Variants in DCAF17 observed in about 807,000 individuals in gnomAD.
DCAF17 encodes DDB1 and CUL4 associated factor 17.
A neutral mutation model predicts 66.0 loss-of-function variants in DCAF17; 48 were observed. That is an observed-to-expected ratio of 0.73 (90% confidence interval 0.58 to 0.92). The LOEUF (loss-of-function observed/expected upper bound fraction) is 0.92. Ranked by LOEUF, DCAF17 falls within the 40% of genes least tolerant of loss-of-function variation. The probability of loss-of-function intolerance (pLI) is 0.00; values close to 1 mark genes in which losing one functional copy is unlikely to be tolerated. For synonymous variants in DCAF17, 206 were observed against 214.6 expected, an observed-to-expected ratio of 0.96 and a Z score of 0.35; for missense variants, 562 against 622.8, an observed-to-expected ratio of 0.90 and a Z score of 1.04.
chr2:171,447,894 A>G (rs1382727209), intron 3 of DCAF17, among the ~76,000 whole-genome samples: 1 of 152,232 alleles, frequency 6.6e-6, no homozygotes, highest in East Asian at 1.9e-4. Flanking sequence ...AGGAGTGCCC[A>G]TGCAGCTATC....
At chr2:171,451,603 G>A (rs1469556760) in intron 5 of DCAF17, among the ~76,000 whole-genome samples, 1 of 152,208 alleles carries the variant, frequency 6.6e-6, no homozygotes, top group Non-Finnish European at 1.5e-5. Flanking sequence ...TTGAGACGGA[G>A]TCTCGCTTTG....
intron 12 of DCAF17, among the ~76,000 whole-genome samples, chr2:171,478,846 C>G (rs999007642): frequency 2.6e-5 from 4 of 151,946 alleles, no homozygotes. Context: ...CTATTGAGAA[C>G]AAAGAAGAAA....
At chr2:171,475,844 A>G (rs966366311) in intron 10 of DCAF17, among the ~76,000 whole-genome samples, 26 of 152,202 alleles carry the variant, frequency 1.7e-4, no homozygotes, top group Admixed American at 5.9e-4. Flanking sequence ...CTCTGGATCT[A>G]TTTAATATAA....
chr2:171,477,704 A>ATCACTTGAGC (rs575553821), intron 11 of DCAF17, among the ~76,000 whole-genome samples: 441 of 152,232 alleles, frequency 2.9e-3, no homozygotes, highest in Middle Eastern at 6.8e-3. Context: ...AGCTGGGAGG[A>ATCACTTGAGC]TCACTTGAGC....
At chr2:171,452,070 G>A (rs1694987232) in intron 5 of DCAF17, among the ~76,000 whole-genome samples, 1 of 152,136 alleles carries the variant, frequency 6.6e-6, no homozygotes, top group Non-Finnish European at 1.5e-5. Context: ...TTACCTTGAA[G>A]ATATTAGTTC....
chr2:171,439,688 G>GAGGACT (rs1694190076), intron 2 of DCAF17, among the ~76,000 whole-genome samples: 1 of 151,970 alleles, frequency 6.6e-6, no homozygotes, highest in Admixed American at 6.6e-5. Flanking sequence ...CACACTTTGG[G>GAGGACT]AGGACTAGGT....
intron 8 of DCAF17, among the ~76,000 whole-genome samples, chr2:171,463,282 C>T (rs1574375212): frequency 6.8e-6 from 1 of 146,398 alleles, no homozygotes; most frequent in Non-Finnish European, 1.5e-5. Context: ...GGATAATTTC[C>T]AGGATGTGTA....
At position 171,470,653 on chromosome 2, in the gene DCAF17, G is replaced by A. The variant is rs144040719; in HGVS notation, c.981+1623G>A. ...TCTTGGTTTGATTGGTCACCTCCCA[G>A]TGAGTGGACATCATTCAGCCACCAG... is the stretch of plus-strand genomic sequence containing the variant. On this transcript the variant is annotated intron_variant, in intron 9 of 13. Coordinates refer to ENST00000375255, the MANE Select transcript of DCAF17 (RefSeq NM_025000.4). 1.1e-3 allele frequency among the ~76,000 whole-genome samples: 161 copies of A among 152,264 alleles called. 2 individuals are homozygous for A. Among genetic ancestry groups the A allele is most frequent in the African/African-American group, 3.7e-3 (153 of 41,542 alleles).
At position 171,434,361 on chromosome 2, in the gene DCAF17, T is replaced by G; in HGVS notation, c.-217T>G. 1 of 799,226 alleles carries G rather than the reference T, an allele frequency of 1.3e-6. No individual in the cohort carries two copies. The highest frequency in any genetic ancestry group is 2.1e-6 in the Non-Finnish European group (1 of 483,068). The allele number at this position is 799,226 out of a possible 1,614,324, so 49.5% of individuals were successfully genotyped here. On this transcript the variant is annotated 5_prime_UTR_variant, in exon 1 of 14. Transcript: ENST00000375255. ...TGGGGCAGATCGAAAAGGGAGTGCT[T>G]CTTCCCTTCTCTCCGCGCTCTGGCG...
chr2:171,453,056 A>T, intron 5 of DCAF17, 68 bp from the exon 6 acceptor site: 1 of 1,093,670 alleles, frequency 9.1e-7, no homozygotes. Flanking sequence ...GATTTTTTCA[A>T]CTAATGAAAA....
chr2:171,459,904 C>A (rs1366393091), intron 8 of DCAF17, among the ~76,000 whole-genome samples: 1 of 152,132 alleles, frequency 6.6e-6, no homozygotes. Context: ...AGTACAAATA[C>A]ATTAAAAGCA....
Position 171,468,969 on chromosome 2 carries a change from C to T in DCAF17, c.920C>T (p.Thr307Ile), listed in dbSNP as rs1696080331. Reference sequence around the variant, plus strand: ...GGCCATCCTTGGCACTACATCGTCACACCTAATAAGAAGAAACAGAAAGGA... The same window carrying T: ...GGCCATCCTTGGCACTACATCGTCATACCTAATAAGAAGAAACAGAAAGGA... ...IGGHPWHYIV[T>I]PNKKKQKGVF... Residue 307 changes from threonine to isoleucine, a missense_variant, in exon 9 of 14, where the codon ACA (threonine) becomes ATA (isoleucine). Thr to Ile is a moderately conservative substitution (Grantham distance 89, BLOSUM62 -1). This residue lies in a region of DCAF17 where 13 missense variants were observed against 35.7 expected (regional missense o/e 0.36). Coordinates refer to ENST00000375255, the MANE Select transcript of DCAF17 (RefSeq NM_025000.4). 5 of 1,614,122 alleles carry T rather than the reference C, an allele frequency of 3.1e-6. No homozygotes were observed. The highest frequency in any genetic ancestry group is 4.2e-6 in the Non-Finnish European group (5 of 1,179,988).
intron 4 of DCAF17, among the ~76,000 whole-genome samples, 175 bp from the exon 5 acceptor site, chr2:171,449,704 T>C (rs1480594203): frequency 1.3e-5 from 2 of 152,194 alleles, no homozygotes; most frequent in Non-Finnish European, 2.9e-5. Context: ...AATAGGGATA[T>C]GTCCATATGG....
At chr2:171,462,417 G>A (rs1389456366) in intron 8 of DCAF17, among the ~76,000 whole-genome samples, 1 of 152,096 alleles carries the variant, frequency 6.6e-6, no homozygotes, top group East Asian at 1.9e-4. Context: ...AAAGGATATT[G>A]TTTAAAAGAA....
chr2:171,469,844 C>A (rs1403060916), intron 9 of DCAF17, among the ~76,000 whole-genome samples: 1 of 152,154 alleles, frequency 6.6e-6, no homozygotes, highest in African/African-American at 2.4e-5. Flanking sequence ...CTCACTGTGT[C>A]ATCCACGCTG....
intron 2 of DCAF17, among the ~76,000 whole-genome samples, chr2:171,442,409 C>T (rs1448871946): frequency 6.6e-6 from 1 of 151,148 alleles, no homozygotes; most frequent in African/African-American, 2.4e-5. Flanking sequence ...ATACAAAATA[C>T]AAAAATTAGC....
Position 171,483,974 on chromosome 2 carries a change from T to C in DCAF17, c.*2860T>C. Reference sequence around the variant, plus strand: ...ATACCAACAACTATAATACTAGATATGTAGGAAAGTGCTTAATAATCGTTT... The same window carrying C: ...ATACCAACAACTATAATACTAGATACGTAGGAAAGTGCTTAATAATCGTTT... On this transcript the variant is annotated 3_prime_UTR_variant, in exon 14 of 14. Transcript: ENST00000375255. 6.6e-6 allele frequency: 3 copies of C among 453,966 alleles called. No individual in the cohort carries two copies. Among genetic ancestry groups the C allele is most frequent in the Non-Finnish European group, 1.3e-5 (3 of 226,732 alleles). The allele number at this position is 453,966 out of a possible 1,614,324, so 28.1% of individuals were successfully genotyped here.
intron 2 of DCAF17, among the ~76,000 whole-genome samples, chr2:171,436,676 A>G (rs1693984299): frequency 6.6e-6 from 1 of 151,360 alleles, no homozygotes; most frequent in Admixed American, 6.6e-5. Context: ...TATTTTAGAT[A>G]CAAGTCCCTT....
chr2:171,472,440 A>G (rs537750481), intron 9 of DCAF17, among the ~76,000 whole-genome samples: 1 of 152,306 alleles, frequency 6.6e-6, no homozygotes, highest in East Asian at 1.9e-4. Context: ...CGGCCTCCCA[A>G]AGTGCTAGGA....
Sources: gnomAD v4.1 joint callset for allele counts (sites outside exome capture counted in the v4.1 genomes callset) on GRCh38, gnomAD v4.1.1 for gene constraint, gnomAD v4.1.1 regional missense constraint, MANE v1.5 for transcripts, NCBI Gene and HGNC (gene_info 2026-07-23, HGNC 2026-07-21) for gene names.